ZBTB16: variants seen among roughly 807,000 people sequenced by gnomAD.
ZBTB16 encodes zinc finger and BTB domain containing 16.
Under a neutral mutation model 56.8 loss-of-function variants are expected in ZBTB16, and 8 were observed. The observed-to-expected ratio is 0.14, with a 90% CI of 0.08 to 0.25. The LOEUF is 0.25. Ranked by LOEUF, ZBTB16 falls within the 10% of genes least tolerant of loss-of-function variation. The pLI is 1.00. For missense variants in ZBTB16, 625 were observed against 903.0 expected (o/e 0.69, Z 3.95); for synonymous variants, 363 against 368.5 (o/e 0.98, Z 0.17).
rs1003470871 is a variant in ZBTB16 at position 114,072,213 on chromosome 11, C to T, written c.1268+7645C>T. On this transcript the variant is annotated intron_variant, in intron 2 of 6. Coordinates refer to ENST00000335953, the MANE Select transcript of ZBTB16 (RefSeq NM_006006.6). ...CAATCCGTACAGTGCTGTAAAACTGCTGCCTCGGGCACCTCATGTTTGGGG... is the reference window on the plus strand; with the variant it reads ...CAATCCGTACAGTGCTGTAAAACTGTTGCCTCGGGCACCTCATGTTTGGGG... Among the ~76,000 whole-genome samples the T allele has an allele frequency of 1.4e-4, 22 of 152,394 alleles. No individual in the cohort carries two copies. The East Asian group carries it at 3.7e-3, about 25-fold the overall frequency.
At chr11:114,084,356 T>C (rs1939886935) in intron 2 of ZBTB16, among the ~76,000 whole-genome samples, 1 of 152,290 alleles carries the variant, frequency 6.6e-6, no homozygotes, top group South Asian at 2.1e-4. Context: ...GTGGCTTACA[T>C]TGATTTTAGC....
At chr11:114,159,937 C>CGGCGG (rs1555145906) in intron 3 of ZBTB16, among the ~76,000 whole-genome samples, 8 of 93,840 alleles carry the variant, frequency 8.5e-5, no homozygotes, top group African/African-American at 4.0e-4. Flanking sequence ...GCGGGGGAGG[C>CGGCGG]GGGGGGGAGG....
intron 4 of ZBTB16, chr11:114,209,397 G>A: frequency 1.0e-6 from 1 of 985,340 alleles, no homozygotes; most frequent in Non-Finnish European, 1.2e-6. Context: ...ATTTGTGGAG[G>A]GAGGAAGGAT....
intron 4 of ZBTB16, among the ~76,000 whole-genome samples, chr11:114,194,262 G>A (rs776671607): frequency 2.0e-5 from 3 of 152,234 alleles, no homozygotes; most frequent in Non-Finnish European, 4.4e-5. Flanking sequence ...TTATGGTGTT[G>A]TACAGGTATT....
chr11:114,168,468 G>T lies in ZBTB16; in HGVS notation c.1366+12034G>T, dbSNP rs1399769189. 5.9e-5 allele frequency among the ~76,000 whole-genome samples: 9 copies of T among 152,316 alleles called. No individual in the cohort carries two copies. The East Asian group carries it at 1.4e-3, about 23-fold the overall frequency. ...ATTTATTGAAACTTGCTGTGTTCCA[G>T]GCACAGTGCTATGTGTTCTGCATAT... On this transcript the variant is annotated intron_variant, in intron 3 of 6. Transcript: ENST00000335953.
At chr11:114,238,155 C>G (rs1944631808) in intron 4 of ZBTB16, among the ~76,000 whole-genome samples, 1 of 152,186 alleles carries the variant, frequency 6.6e-6, no homozygotes, top group South Asian at 2.1e-4. Flanking sequence ...CTCCCTTTGC[C>G]CTGGCAGCCT....
intron 2 of ZBTB16, among the ~76,000 whole-genome samples, chr11:114,144,177 GACACACACAC>G (rs56679355): frequency 2.1e-3 from 309 of 145,066 alleles, no homozygotes; most frequent in African/African-American, 6.6e-3. Context: ...GTGTTTGCCA[GACACACACAC>G]ACACACACAC....
intron 3 of ZBTB16, among the ~76,000 whole-genome samples, chr11:114,161,845 A>G (rs1346445104): frequency 6.6e-6 from 1 of 152,214 alleles, no homozygotes; most frequent in African/African-American, 2.4e-5. Flanking sequence ...CTAGAATATA[A>G]GGTGAATAAA....
At chr11:114,150,610 A>T (rs906784264) in intron 2 of ZBTB16, among the ~76,000 whole-genome samples, 5 of 152,250 alleles carry the variant, frequency 3.3e-5, no homozygotes, top group African/African-American at 1.2e-4. Flanking sequence ...TCTTAAAATT[A>T]GAGCACAGAA....
At chr11:114,079,406 C>A (rs1939684402) in intron 2 of ZBTB16, among the ~76,000 whole-genome samples, 1 of 152,150 alleles carries the variant, frequency 6.6e-6, no homozygotes, top group Admixed American at 6.5e-5. Flanking sequence ...GATGATAGTA[C>A]TAACCCTGTG....
chr11:114,246,909 G>T, intron 5 of ZBTB16: 1 of 472,708 alleles, frequency 2.1e-6, no homozygotes, highest in Non-Finnish European at 3.9e-6. Context: ...ATCCACAAGG[G>T]GGCTTGCTTT....
At chr11:114,088,207 A>G (rs1361548413) in intron 2 of ZBTB16, among the ~76,000 whole-genome samples, 2 of 145,592 alleles carry the variant, frequency 1.4e-5, no homozygotes, top group Non-Finnish European at 1.5e-5. Context: ...AGTGGCATGA[A>G]CTTGGCTCAC....
chr11:114,186,879 A>T (rs1347304258), intron 3 of ZBTB16, 73 bp from the exon 4 acceptor site: 11 of 1,438,772 alleles, frequency 7.6e-6, no homozygotes, highest in Non-Finnish European at 1.1e-5. Flanking sequence ...CTACCTGCAC[A>T]GTTGTGGCCC....
chr11:114,254,758 G>C lies in ZBTB16; in HGVS notation c.*4203G>C, dbSNP rs1366294274. On this transcript the variant is annotated 3_prime_UTR_variant, in exon 7 of 7. Coordinates refer to ENST00000335953, the MANE Select transcript of ZBTB16 (RefSeq NM_006006.6). The stretch of plus-strand genomic sequence containing the variant: ...AGCCTCTGCCGGCTTGGCTGTAATG[G>C]TGGCACTTACCTGGATATTTCAGTG... Among the ~76,000 whole-genome samples the C allele has an allele frequency of 6.6e-6, 1 of 152,278 alleles. No individual in the cohort carries two copies. The highest frequency in any genetic ancestry group is 1.9e-4 in the East Asian group (1 of 5,176).
Position 114,235,170 on chromosome 11 carries a change from T to C in ZBTB16, c.1454-6997T>C, listed in dbSNP as rs1444891843. On this transcript the variant is annotated intron_variant, in intron 4 of 6. Coordinates refer to ENST00000335953, the MANE Select transcript of ZBTB16 (RefSeq NM_006006.6). The stretch of plus-strand genomic sequence containing the variant: ...GTGGCAGGGGAGGCAGTCCTTCCTT[T>C]GTTGGGTGAGGTTGGGTAGGATTGG... Among the ~76,000 whole-genome samples, 4 of 152,244 alleles carry C rather than the reference T, an allele frequency of 2.6e-5. No homozygotes were observed. In the East Asian group the frequency reaches 7.7e-4, roughly 29 times the overall value.
At chr11:114,078,479 A>G (rs1939646540) in intron 2 of ZBTB16, among the ~76,000 whole-genome samples, 3 of 152,238 alleles carry the variant, frequency 2.0e-5, no homozygotes, top group African/African-American at 4.8e-5. Flanking sequence ...CACCTAGTCA[A>G]TAAGCTGTCT....
chr11:114,128,736 A>G (rs1043421182), intron 2 of ZBTB16, among the ~76,000 whole-genome samples: 13 of 152,120 alleles, frequency 8.5e-5, no homozygotes, highest in African/African-American at 3.1e-4. Context: ...GGTTCTGGCC[A>G]TTGAAGGCCT....
intron 3 of ZBTB16, among the ~76,000 whole-genome samples, chr11:114,166,248 A>G: frequency 8.4e-6 from 1 of 119,430 alleles, no homozygotes; most frequent in Admixed American, 8.4e-5. Context: ...GTGTGTGTGT[A>G]ACCATGAGGG....
Position 114,063,157 on chromosome 11 carries a change from A to C in ZBTB16, c.-90-54A>C. On this transcript the variant is annotated intron_variant, in intron 1 of 6. Transcript: ENST00000335953. The surrounding 1 kb of genome is among the most constrained non-coding windows in gnomAD (Gnocchi z 6.5). ...TTCTTACTTTTAGGGACACTGATGA[A>C]TTTGTCTTTTGTTCTCTCATCTCTT... The C allele has an allele frequency of 1.1e-6, 1 of 902,450 alleles. No homozygotes were observed. The highest frequency in any genetic ancestry group is 1.7e-6 in the Non-Finnish European group (1 of 584,088). 55.9% of individuals were successfully genotyped at this position (902,450 alleles called of 1,614,324 possible). A position where few individuals can be genotyped will look rare whatever the true frequency, so the allele number is the denominator to read the frequency against.
Sources: gnomAD v4.1 joint callset for allele counts (sites outside exome capture counted in the v4.1 genomes callset) on GRCh38, gnomAD v4.1.1 for gene constraint, Gnocchi (gnomAD v3.1) non-coding constraint, MANE v1.5 for transcripts, NCBI Gene and HGNC (gene_info 2026-07-23, HGNC 2026-07-21) for gene names.